Variants in TENM1 observed in about 807,000 individuals in gnomAD.
TENM1 encodes teneurin transmembrane protein 1.
Under a neutral mutation model 174.8 loss-of-function variants are expected in TENM1, and 35 were observed. The observed-to-expected ratio is 0.20, with a 90% confidence interval of 0.15 to 0.27. The LOEUF (loss-of-function observed/expected upper bound fraction) is 0.27. Among genes scored for constraint, TENM1 ranks in the 10% least tolerant of loss-of-function variants. The pLI, the probability that TENM1 is intolerant of heterozygous loss-of-function variation, is 1.00. For missense variants in TENM1, 1,633 were observed against 2,130.1 expected (o/e 0.77, Z 4.59); for synonymous variants, 781 against 798.7 (o/e 0.98, Z 0.37).
intron 8 of TENM1, among the ~76,000 whole-genome samples, chrX:124,650,621 T>A (rs1003802943): frequency 2.7e-5 from 3 of 111,655 alleles, no homozygotes; most frequent in African/African-American, 9.8e-5. Context: ...TTATTTCTTC[T>A]AATTTATCTA....
chrX:124,719,578 C>G (rs955356927), intron 4 of TENM1, among the ~76,000 whole-genome samples: 1 of 111,411 alleles, frequency 9.0e-6, no homozygotes, highest in African/African-American at 3.3e-5. Flanking sequence ...CACTTGAGCA[C>G]AGGAGAATTT....
intron 1 of TENM1, among the ~76,000 whole-genome samples, chrX:124,910,299 C>A (rs2057814506): frequency 8.9e-6 from 1 of 111,949 alleles, no homozygotes; most frequent in African/African-American, 3.2e-5. Flanking sequence ...TATCATTGCC[C>A]CAAACACTTA....
chrX:124,950,326 ATACT>A (rs1018822627), intron 1 of TENM1, among the ~76,000 whole-genome samples: 5 of 112,129 alleles, frequency 4.5e-5, no homozygotes, highest in African/African-American at 1.6e-4. Flanking sequence ...TGTTTGTTAA[ATACT>A]TGACCTATTA....
the TENM1 span, among the ~76,000 whole-genome samples, chrX:124,998,038 C>T: frequency 9.6e-6 from 1 of 104,569 alleles, no homozygotes; most frequent in Non-Finnish European, 2.0e-5. Flanking sequence ...TGTGTGATTC[C>T]GCATTATGGC....
intron 3 of TENM1, among the ~76,000 whole-genome samples, chrX:124,883,105 G>T (rs1370902634): frequency 9.0e-6 from 1 of 111,269 alleles, no homozygotes; most frequent in African/African-American, 3.3e-5. Context: ...GTGTTCTTTT[G>T]AGGTATCATA....
At chrX:124,730,618 A>G (rs1055073738) in intron 4 of TENM1, among the ~76,000 whole-genome samples, 8 of 112,084 alleles carry the variant, frequency 7.1e-5, no homozygotes, top group African/African-American at 2.3e-4. Flanking sequence ...AGGAAAGGGT[A>G]GTAAACATGA....
the TENM1 span, among the ~76,000 whole-genome samples, chrX:125,062,132 C>T: frequency 9.0e-6 from 1 of 111,419 alleles, no homozygotes; most frequent in Admixed American, 9.6e-5. Flanking sequence ...TAGAATTTAT[C>T]TCAAATGATT....
At chrX:124,875,529 T>A (rs150669917) in intron 3 of TENM1, among the ~76,000 whole-genome samples, 1,443 of 109,675 alleles carry the variant, frequency 0.013, 34 homozygotes, top group African/African-American at 0.046. Flanking sequence ...ACTTCATAAG[T>A]TTAAAGTAGT....
chrX:124,960,445 A>G (rs960568393), intron 1 of TENM1, among the ~76,000 whole-genome samples: 28 of 112,289 alleles, frequency 2.5e-4, no homozygotes, highest in African/African-American at 9.1e-4. Context: ...CCACTGCACT[A>G]TAAGTTTCCT....
intron 3 of TENM1, among the ~76,000 whole-genome samples, chrX:124,874,048 T>C (rs1200567528): frequency 5.4e-5 from 6 of 111,581 alleles, no homozygotes; most frequent in Non-Finnish European, 9.4e-5. Context: ...TCTTGATTGA[T>C]ATCACTGATT....
At chrX:124,380,526 G>T in exon 32 of TENM1, 1 of 1,179,604 alleles carries the variant, frequency 8.5e-7, no homozygotes, top group Admixed American at 2.4e-5. Flanking sequence ...CAAAGGCAGA[G>T]ATATTTTTGT....
chrX:125,095,959 T>C, the TENM1 span, among the ~76,000 whole-genome samples: 1 of 112,061 alleles, frequency 8.9e-6, no homozygotes, highest in African/African-American at 3.2e-5. Flanking sequence ...GCATGGATTA[T>C]TGGAAACTCT....
At chrX:124,994,156 A>G in the TENM1 span, among the ~76,000 whole-genome samples, 1 of 107,336 alleles carries the variant, frequency 9.3e-6, no homozygotes, top group Non-Finnish European at 1.9e-5. Flanking sequence ...TATATCAACT[A>G]ATTTTACTGA....
At chrX:125,192,979 AT>A in the TENM1 span, among the ~76,000 whole-genome samples, 9 of 110,011 alleles carry the variant, frequency 8.2e-5, no homozygotes, top group African/African-American at 2.6e-4. Flanking sequence ...TTTTTCAGTT[AT>A]TTTTTTTCCA....
intron 5 of TENM1, among the ~76,000 whole-genome samples, chrX:124,686,018 T>C (rs1406621646): frequency 4.5e-5 from 5 of 111,413 alleles, no homozygotes; most frequent in African/African-American, 1.3e-4. Flanking sequence ...AAAATAGAAA[T>C]AGATTGAACA....
At chrX:124,996,852 A>G in the TENM1 span, among the ~76,000 whole-genome samples, 2 of 111,558 alleles carry the variant, frequency 1.8e-5, no homozygotes, top group Admixed American at 1.9e-4. Context: ...TGTTGAAAAG[A>G]TCTACCCATG....
intron 22 of TENM1, among the ~76,000 whole-genome samples, chrX:124,470,916 A>G (rs145528660): frequency 0.011 from 1,155 of 108,583 alleles, 16 homozygotes; most frequent in African/African-American, 0.035. Context: ...ATTTTTAAGA[A>G]AAATACAAAA....
At chrX:125,112,134 TTGTGTGTG>T in the TENM1 span, among the ~76,000 whole-genome samples, 162 of 92,684 alleles carry the variant, frequency 1.7e-3, no homozygotes, top group African/African-American at 4.0e-3. Context: ...TTTAATGAAA[TTGTGTGTG>T]TGTGTGTGTG....
chrX:125,128,879 G>C, the TENM1 span, among the ~76,000 whole-genome samples: 31 of 111,729 alleles, frequency 2.8e-4, no homozygotes, highest in African/African-American at 9.1e-4. Flanking sequence ...TGTTGGTTAT[G>C]GACTGAATGC....
Sources: gnomAD v4.1 joint callset for allele counts (sites outside exome capture counted in the v4.1 genomes callset) on GRCh38, gnomAD v4.1.1 for gene constraint, MANE v1.5 for transcripts, NCBI Gene and HGNC (gene_info 2026-07-23, HGNC 2026-07-21) for gene names.